TENM3: variants seen among roughly 807,000 people sequenced by gnomAD.
The protein encoded by TENM3 is teneurin-3.
TENM3 carries 63 observed loss-of-function variants against 255.1 expected under a neutral mutation model. That is an observed-to-expected ratio of 0.25 (90% CI 0.20 to 0.30). The LOEUF is 0.30. TENM3 is among the 10% of genes least tolerant of loss of function. TENM3 has a pLI of 1.00. For missense variants in TENM3, 2,929 were observed against 3,461.1 expected (o/e 0.85, Z 3.86); for synonymous variants, 1,306 against 1,322.3 (o/e 0.99, Z 0.27).
chr4:182,787,320 G>T lies in TENM3; in HGVS notation c.5305-1773G>T, dbSNP rs369911320. 2.6e-5 allele frequency among the ~76,000 whole-genome samples: 4 copies of T among 152,310 alleles called. No homozygotes were observed. The East Asian group carries it at 5.8e-4, about 22-fold the overall frequency. On this transcript the variant is annotated intron_variant, in intron 24 of 27. Transcript: ENST00000511685. ...GAAAGCCAAGGTCAGGCTGCTTCAG[G>T]TCTGGAGATCAGGCTTCGGACTCTT...
At chr4:181,802,919 G>A in the TENM3 span, among the ~76,000 whole-genome samples, 1 of 151,962 alleles carries the variant, frequency 6.6e-6, no homozygotes, top group Non-Finnish European at 1.5e-5. Context: ...CCATTTGGGG[G>A]GTTTTATTTT....
chr4:181,538,885 G>A, the TENM3 span, among the ~76,000 whole-genome samples: 1 of 152,172 alleles, frequency 6.6e-6, no homozygotes, highest in Non-Finnish European at 1.5e-5. Flanking sequence ...AATAACAGGT[G>A]TAATCCAATT....
chr4:182,572,001 A>G (rs1232253857), intron 3 of TENM3, among the ~76,000 whole-genome samples: 1 of 152,132 alleles, frequency 6.6e-6, no homozygotes, highest in Admixed American at 6.5e-5. Context: ...TCCTGGGTTC[A>G]AGCAATTCTC....
chr4:181,664,151 T>C, the TENM3 span, among the ~76,000 whole-genome samples: 1 of 152,246 alleles, frequency 6.6e-6, no homozygotes, highest in African/African-American at 2.4e-5. Context: ...CCTCAGTTTC[T>C]TCATCTGTTA....
At chr4:182,574,227 A>G (rs149053922) in intron 3 of TENM3, among the ~76,000 whole-genome samples, 4 of 152,226 alleles carry the variant, frequency 2.6e-5, no homozygotes, top group Non-Finnish European at 5.9e-5. Context: ...ATGACTTGTC[A>G]TGTCAAATTG....
chr4:182,209,212 C>T (rs1291301345), intron 1 of TENM3, among the ~76,000 whole-genome samples: 1 of 151,892 alleles, frequency 6.6e-6, no homozygotes, highest in Non-Finnish European at 1.5e-5. Context: ...AAGTGATCTA[C>T]CCTCCTTGGC....
intron 1 of TENM3, among the ~76,000 whole-genome samples, chr4:182,216,358 G>A (rs755134650): frequency 2.0e-5 from 3 of 152,112 alleles, no homozygotes; most frequent in Non-Finnish European, 4.4e-5. Flanking sequence ...GCCTAATTTC[G>A]GCTCGTTCAG....
the TENM3 span, among the ~76,000 whole-genome samples, chr4:181,810,008 TAA>T: frequency 8.5e-5 from 13 of 152,292 alleles, no homozygotes; most frequent in African/African-American, 3.1e-4. Context: ...TGTGTTGTTT[TAA>T]GTCACTAAGC....
chr4:182,314,597 T>A (rs1376709751), intron 1 of TENM3, among the ~76,000 whole-genome samples: 1 of 152,246 alleles, frequency 6.6e-6, no homozygotes, highest in Admixed American at 6.5e-5. Flanking sequence ...ATGTTTAATG[T>A]GATTATTGAT....
chr4:182,473,760 C>T (rs1211238132), intron 3 of TENM3, among the ~76,000 whole-genome samples: 1 of 151,946 alleles, frequency 6.6e-6, no homozygotes, highest in Non-Finnish European at 1.5e-5. Flanking sequence ...TGCTTAAGGC[C>T]AGGGGTTTGG....
rs1216134936 is a variant in TENM3, at chr4:182,673,198, C to T, written c.1305C>T (p.Gly435=). The change falls in exon 7 of 28, where the codon GGC becomes GGT. Residue 435 remains glycine (G), a synonymous_variant. Transcript: ENST00000511685. ...DALIGVYGRK[G]LPPSHTQYDF... ...TGATTGGAGTATATGGCCGGAAAGG[C>T]TTACCGCCTTCCCATACTCAGGTAA... 1.9e-6 allele frequency: 3 copies of T among 1,612,630 alleles called. No individual in the cohort carries two copies. Among genetic ancestry groups the T allele is most frequent in the African/African-American group, 2.7e-5 (2 of 75,034 alleles).
Position 182,557,736 on chromosome 4 carries a change from G to A in TENM3, c.512-43188G>A, listed in dbSNP as rs558191960. Among the ~76,000 whole-genome samples the A allele has an allele frequency of 6.6e-5, 10 of 152,204 alleles. No individual in the cohort carries two copies. The East Asian group carries it at 1.7e-3, about 26-fold the overall frequency. On this transcript the variant is annotated intron_variant, in intron 3 of 27. Coordinates refer to ENST00000511685, the MANE Select transcript of TENM3 (RefSeq NM_001080477.4). ...ATTCTCATCTGTGCTCTCTCCCCCA[G>A]CCTCCAGCTGCTGCACTGTCACCAG...
chr4:182,696,850 AT>A (rs1757462929), intron 12 of TENM3, among the ~76,000 whole-genome samples: 1 of 152,068 alleles, frequency 6.6e-6, no homozygotes. Context: ...ATATTTTGAT[AT>A]TCTTTTTCTT....
At chr4:181,483,552 T>A in the TENM3 span, among the ~76,000 whole-genome samples, 1 of 152,338 alleles carries the variant, frequency 6.6e-6, no homozygotes, top group East Asian at 1.9e-4. Context: ...AGGGATTTTT[T>A]AATGACTGAT....
chr4:181,557,909 G>C, the TENM3 span, among the ~76,000 whole-genome samples: 1 of 152,212 alleles, frequency 6.6e-6, no homozygotes, highest in African/African-American at 2.4e-5. Context: ...CAGAGGTAAA[G>C]ACGTTGTAGG....
intron 3 of TENM3, among the ~76,000 whole-genome samples, chr4:182,586,355 C>T (rs887604895): frequency 1.4e-4 from 21 of 152,188 alleles, no homozygotes; most frequent in African/African-American, 5.1e-4. Flanking sequence ...GGGGCATTGT[C>T]ATATACGTGA....
the TENM3 span, among the ~76,000 whole-genome samples, chr4:181,721,493 G>C: frequency 8.0e-5 from 10 of 125,296 alleles, no homozygotes; most frequent in African/African-American, 2.0e-4. Context: ...CCAGCTACTC[G>C]GGAGGCTGAG....
the TENM3 span, among the ~76,000 whole-genome samples, chr4:181,627,847 T>G: frequency 6.6e-6 from 1 of 152,204 alleles, no homozygotes; most frequent in East Asian, 1.9e-4. Flanking sequence ...TTTGGGTATA[T>G]GCCCAGTAAG....
At chr4:181,609,801 TATTCGATTTTAACAA>T in the TENM3 span, among the ~76,000 whole-genome samples, 1 of 152,256 alleles carries the variant, frequency 6.6e-6, no homozygotes, top group Non-Finnish European at 1.5e-5. Context: ...TTCCACCACA[TATTCGATTTTAACAA>T]ATGTATGAGG....
Sources: allele counts gnomAD v4.1 joint callset (sites outside exome capture counted in the v4.1 genomes callset), GRCh38; gene constraint gnomAD v4.1.1; transcripts MANE v1.5; gene names NCBI Gene and HGNC (gene_info 2026-07-23, HGNC 2026-07-21).